The following ARHGAP15 variants were observed in gnomAD, a reference collection of about 807,000 sequenced individuals.
ARHGAP15 encodes rho GTPase-activating protein 15.
Under a neutral mutation model 63.7 loss-of-function variants are expected in ARHGAP15, and 51 were observed. The observed-to-expected ratio is 0.80, with a 90% CI of 0.64 to 1.01. The LOEUF is 1.01. ARHGAP15 is among the 50% of genes least tolerant of loss of function. The pLI, the probability that ARHGAP15 is intolerant of heterozygous loss-of-function variation, is 0.00. For missense variants in ARHGAP15, 560 were observed against 564.6 expected (o/e 0.99, Z 0.08); for synonymous variants, 191 against 193.8 (o/e 0.99, Z 0.12).
At chr2:143,264,535 TG>T (rs1207651243) in intron 6 of ARHGAP15, among the ~76,000 whole-genome samples, 1 of 152,082 alleles carries the variant, frequency 6.6e-6, no homozygotes, top group Admixed American at 6.6e-5. Flanking sequence ...ATAGCCACCC[TG>T]GTATATGAAT....
intron 12 of ARHGAP15, among the ~76,000 whole-genome samples, chr2:143,657,359 CA>C (rs1681509501): frequency 6.6e-6 from 1 of 152,124 alleles, no homozygotes; most frequent in Non-Finnish European, 1.5e-5. Flanking sequence ...AAAAACAAAA[CA>C]AAACAAAAAC....
At chr2:143,367,856 C>T (rs939000253) in intron 6 of ARHGAP15, among the ~76,000 whole-genome samples, 2 of 151,982 alleles carry the variant, frequency 1.3e-5, no homozygotes, top group African/African-American at 4.8e-5. Context: ...ACCTTCTTTA[C>T]AGCCATACTA....
intron 13 of ARHGAP15, among the ~76,000 whole-genome samples, chr2:143,757,327 T>C (rs1433310248): frequency 6.6e-6 from 1 of 151,918 alleles, no homozygotes; most frequent in East Asian, 1.9e-4. Context: ...CTGGCCAATA[T>C]AGGGAAACCC....
intron 5 of ARHGAP15, among the ~76,000 whole-genome samples, chr2:143,232,949 C>T (rs1432879321): frequency 6.6e-6 from 1 of 151,948 alleles, no homozygotes; most frequent in Non-Finnish European, 1.5e-5. Context: ...TGTTTCTGCT[C>T]TGTTAGTATA....
At chr2:143,257,011 G>A (rs1021752855) in intron 6 of ARHGAP15, among the ~76,000 whole-genome samples, 6 of 152,036 alleles carry the variant, frequency 3.9e-5, no homozygotes, top group Non-Finnish European at 8.8e-5. Flanking sequence ...CTTTTTGCAC[G>A]TTTAATTTTC....
At chr2:143,544,188 A>C (rs1404197859) in intron 10 of ARHGAP15, among the ~76,000 whole-genome samples, 1 of 152,208 alleles carries the variant, frequency 6.6e-6, no homozygotes, top group East Asian at 1.9e-4. Flanking sequence ...AATAAGAAAT[A>C]GTTTATGAAA....
At chr2:143,436,730 G>T (rs1319315641) in intron 7 of ARHGAP15, among the ~76,000 whole-genome samples, 183 bp from the exon 8 acceptor site, 1 of 152,150 alleles carries the variant, frequency 6.6e-6, no homozygotes, top group Non-Finnish European at 1.5e-5. Flanking sequence ...TTAGCATTTA[G>T]TAAGTACCAT....
intron 6 of ARHGAP15, among the ~76,000 whole-genome samples, chr2:143,394,115 A>G (rs1687660094): frequency 6.6e-6 from 1 of 152,230 alleles, no homozygotes; most frequent in Non-Finnish European, 1.5e-5. Context: ...TACAATACAT[A>G]CAATGACAAC....
intron 8 of ARHGAP15, among the ~76,000 whole-genome samples, chr2:143,459,858 A>G (rs539957179): frequency 6.6e-6 from 1 of 152,260 alleles, no homozygotes; most frequent in Non-Finnish European, 1.5e-5. Context: ...AAAATTGTGG[A>G]AGCATAATTC....
At chr2:143,301,890 A>T (rs1682919357) in intron 6 of ARHGAP15, among the ~76,000 whole-genome samples, 1 of 151,814 alleles carries the variant, frequency 6.6e-6, no homozygotes, top group Non-Finnish European at 1.5e-5. Context: ...GAGACAGATG[A>T]TAGAGACATA....
At chr2:143,599,651 A>G (rs567344739) in intron 11 of ARHGAP15, among the ~76,000 whole-genome samples, 39 of 152,306 alleles carry the variant, frequency 2.6e-4, no homozygotes, top group African/African-American at 8.9e-4. Flanking sequence ...CCAGAAATGT[A>G]TGTCTCAGAG....
intron 4 of ARHGAP15, among the ~76,000 whole-genome samples, chr2:143,227,544 A>G (rs961802603): frequency 3.3e-5 from 5 of 152,160 alleles, no homozygotes; most frequent in Non-Finnish European, 7.4e-5. Context: ...ATGACAAAGC[A>G]ATGTTTTGAC....
chr2:143,212,867 G>A (rs1692612009), intron 3 of ARHGAP15, among the ~76,000 whole-genome samples: 2 of 152,106 alleles, frequency 1.3e-5, no homozygotes, highest in African/African-American at 4.8e-5. Flanking sequence ...TCATGACAAA[G>A]AATAGTAAAG....
At chr2:143,626,971 G>A (rs1698859386) in intron 12 of ARHGAP15, among the ~76,000 whole-genome samples, 1 of 152,170 alleles carries the variant, frequency 6.6e-6, no homozygotes, top group Non-Finnish European at 1.5e-5. Context: ...GCCCTCATGA[G>A]TGGGATTAGT....
intron 6 of ARHGAP15, among the ~76,000 whole-genome samples, chr2:143,412,479 T>A (rs2105026359): frequency 6.6e-6 from 1 of 152,282 alleles, no homozygotes; most frequent in African/African-American, 2.4e-5. Context: ...AAATTGTTAT[T>A]GAGGATGAGT....
chr2:143,752,325 C>T (rs1181151684), intron 13 of ARHGAP15, among the ~76,000 whole-genome samples: 2 of 152,216 alleles, frequency 1.3e-5, no homozygotes, highest in Non-Finnish European at 2.9e-5. Context: ...TGCTTAGCAA[C>T]AGCTCTTCAA....
chr2:143,312,386 T>C (rs545886037), intron 6 of ARHGAP15, among the ~76,000 whole-genome samples: 1 of 152,252 alleles, frequency 6.6e-6, no homozygotes, highest in South Asian at 2.1e-4. Flanking sequence ...TTCCAATTTT[T>C]GTTTTAAAGG....
At chr2:143,437,306 T>TG (rs1204341937) in intron 8 of ARHGAP15, 1 of 361,542 alleles carries the variant, frequency 2.8e-6, no homozygotes, top group East Asian at 6.4e-5. Flanking sequence ...GTAATAGCCA[T>TG]GGTGTTCAGA....
chr2:143,379,535 G>GTGTGTGT, intron 6 of ARHGAP15, among the ~76,000 whole-genome samples: 1 of 150,016 alleles, frequency 6.7e-6, no homozygotes, highest in Non-Finnish European at 1.5e-5. Context: ...GTGTGTGTAT[G>GTGTGTGT]AGAGAGAGAG....
Sources: gnomAD v4.1 joint callset for allele counts (sites outside exome capture counted in the v4.1 genomes callset) on GRCh38, gnomAD v4.1.1 for gene constraint, MANE v1.5 for transcripts, NCBI Gene and HGNC (gene_info 2026-07-23, HGNC 2026-07-21) for gene names.